Variants in THOC5 observed in about 807,000 individuals in gnomAD.
THOC5 encodes Fms-interacting protein.
A neutral mutation model predicts 92.9 loss-of-function variants in THOC5; 43 were observed. The observed-to-expected ratio is 0.46, with a 90% CI of 0.36 to 0.60. The LOEUF (loss-of-function observed/expected upper bound fraction) is 0.60, where lower values mean the gene tolerates loss of function less well. Ranked by LOEUF, THOC5 falls within the 20% of genes least tolerant of loss-of-function variation. The probability of loss-of-function intolerance (pLI) is 0.00; values close to 1 mark genes in which losing one functional copy is unlikely to be tolerated. For synonymous variants in THOC5, 296 were observed against 320.1 expected, an observed-to-expected ratio of 0.92 and a Z score of 0.80; for missense variants, 659 against 849.4, an observed-to-expected ratio of 0.78 and a Z score of 2.79.
rs372607483 is a variant in THOC5, at chr22:29,544,564, G to A, written c.136C>T (p.Arg46Trp). Residue 46 changes from arginine to tryptophan, a missense_variant, in exon 3 of 20, where the codon CGG becomes TGG. Arg to Trp is a moderately radical substitution (Grantham distance 101, BLOSUM62 -3). Coordinates refer to ENST00000490103, the MANE Select transcript of THOC5 (RefSeq NM_003678.5). ...AACTCATAGTCTCTGCCAGGGTCCC[G>A]CAGATCCACCTCGGCCTCCTCACTG... is the stretch of plus-strand genomic sequence containing the variant. ...YYSEEAEVDL[R>W]DPGRDYELYK... The A allele has an allele frequency of 1.3e-5, 21 of 1,613,358 alleles. No individual in the cohort carries two copies. Among genetic ancestry groups the A allele is most frequent in the African/African-American group, 2.7e-5 (2 of 74,884 alleles).
chr22:29,526,869 G>C (rs767712259), intron 11 of THOC5, among the ~76,000 whole-genome samples: 2 of 152,138 alleles, frequency 1.3e-5, no homozygotes, highest in Non-Finnish European at 2.9e-5. Context: ...TCACTGCCTA[G>C]AGCAGACTAA....
intron 1 of THOC5, among the ~76,000 whole-genome samples, chr22:29,552,018 C>G (rs1021126628): frequency 6.6e-6 from 1 of 152,182 alleles, no homozygotes; most frequent in East Asian, 1.9e-4. Flanking sequence ...AGCTCCTGAC[C>G]GCGAGTGATC....
chr22:29,511,947 G>T (rs937050269), intron 18 of THOC5, 74 bp downstream of exon 18: 8 of 1,233,328 alleles, frequency 6.5e-6, no homozygotes, highest in Non-Finnish European at 9.5e-6. Flanking sequence ...GTCCTCAGCT[G>T]CAGTGGGTTC....
rs1035635436 is a variant in THOC5, at chr22:29,538,143, C to T, written c.599+1187G>A. 5.1e-4 allele frequency among the ~76,000 whole-genome samples: 78 copies of T among 151,986 alleles called. 1 individual carries two copies. The highest frequency in any genetic ancestry group is 1.7e-3 in the African/African-American group (71 of 41,528). The stretch of plus-strand genomic sequence containing the variant: ...GACTACAGGCACCCGCCACCATGCC[C>T]GGCTAATTTTTTATATTTTTAGTAG... On this transcript the variant is annotated intron_variant, in intron 6 of 19. Transcript: ENST00000490103.
intron 17 of THOC5, 96 bp from the exon 18 acceptor site, chr22:29,512,232 G>T: frequency 1.1e-6 from 1 of 871,672 alleles, no homozygotes; most frequent in Non-Finnish European, 1.9e-6. Flanking sequence ...TAGCTCAGAT[G>T]TCTCCTATTA....
At chr22:29,511,331 C>T in intron 18 of THOC5, 35 bp from the exon 19 acceptor site, 1 of 1,591,686 alleles carries the variant, frequency 6.3e-7, no homozygotes, top group African/African-American at 1.3e-5. Flanking sequence ...TCAGCACTAC[C>T]TTCCTGCATG....
At chr22:29,529,960 T>C (rs2063619378) in intron 8 of THOC5, among the ~76,000 whole-genome samples, 2 of 152,022 alleles carry the variant, frequency 1.3e-5, no homozygotes, top group Non-Finnish European at 2.9e-5. Context: ...CTGGCCAACA[T>C]GGCAAAATCC....
At position 29,510,084 on chromosome 22, in the gene THOC5, C is replaced by G. The variant is rs149519412; in HGVS notation, c.1988+1022G>C. Among the ~76,000 whole-genome samples, 14 of 152,294 alleles carry G rather than the reference C, an allele frequency of 9.2e-5. 1 individual carries two copies. In the East Asian group the frequency reaches 2.7e-3, roughly 29 times the overall value. ...GAAATCTGCAGTTTTGAAACTGACT[C>G]TTAAAAGAACATGAGTTAGAGGCTG... On this transcript the variant is annotated intron_variant, in intron 19 of 19. Coordinates refer to ENST00000490103, the MANE Select transcript of THOC5 (RefSeq NM_003678.5).
Position 29,511,221 on chromosome 22 carries a change from G to A in THOC5, c.1873C>T (p.Gln625Ter). The A allele has an allele frequency of 6.2e-7, 1 of 1,614,236 alleles. No homozygotes were observed. ...AGCAGCACACACAGCCGCTGCAGCT[G>A]GTTGGTCAACAGCTGGTGGCTGGGC... is the stretch of plus-strand genomic sequence containing the variant. The part of the protein sequence containing the change: ...PWPSHQLLTN[Q>*]LQRLCVLLDV... The change falls in exon 19 of 20, where the codon CAG (glutamine) becomes TAG (stop). Residue 625 changes from glutamine (Q) to a stop codon, truncating the protein, a stop_gained. Transcript: ENST00000490103. LOFTEE classifies it high-confidence loss of function.
intron 8 of THOC5, 35 bp downstream of exon 8, chr22:29,531,796 A>C: frequency 6.2e-7 from 1 of 1,601,386 alleles, no homozygotes; most frequent in Non-Finnish European, 8.5e-7. Context: ...TGCTGCTCCC[A>C]TAGCCCCTTG....
At chr22:29,550,014 C>T (rs1327023881) in intron 1 of THOC5, among the ~76,000 whole-genome samples, 1 of 152,092 alleles carries the variant, frequency 6.6e-6, no homozygotes, top group African/African-American at 2.4e-5. Context: ...ATTGTGAGCT[C>T]TACCCTCTTC....
At chr22:29,523,416 A>G (rs1386761614) in intron 12 of THOC5, among the ~76,000 whole-genome samples, 1 of 152,152 alleles carries the variant, frequency 6.6e-6, no homozygotes, top group Non-Finnish European at 1.5e-5. Flanking sequence ...AACAGCCATG[A>G]TACAGTCCTG....
At chr22:29,540,349 C>A (rs183701139) in intron 5 of THOC5, among the ~76,000 whole-genome samples, 1 of 152,326 alleles carries the variant, frequency 6.6e-6, no homozygotes, top group African/African-American at 2.4e-5. Context: ...ATGATAACGG[C>A]AGCTATCATA....
Position 29,529,151 on chromosome 22 carries a change from C to A in THOC5, c.925+11G>T, listed in dbSNP as rs182069703. On this transcript the variant is annotated intron_variant, in intron 9 of 19. Coordinates refer to ENST00000490103, the MANE Select transcript of THOC5 (RefSeq NM_003678.5). ...GTGTCCCTGGGGGACGAATCCCAAC[C>A]ACCACATTACCTTGGGAGTCCTCTG... 6.2e-7 allele frequency: 1 copy of A among 1,614,038 alleles called. No homozygotes were observed. The highest frequency in any genetic ancestry group is 8.5e-7 in the Non-Finnish European group (1 of 1,179,924).
At chr22:29,539,627 T>C (rs2063837362) in intron 5 of THOC5, 151 bp from the exon 6 acceptor site, 1 of 813,926 alleles carries the variant, frequency 1.2e-6, no homozygotes, top group Non-Finnish European at 1.9e-6. Context: ...CATTAGCAGA[T>C]ATTTCAGTGT....
intron 6 of THOC5, 118 bp from the exon 7 acceptor site, chr22:29,536,856 C>T: frequency 4.4e-6 from 3 of 684,768 alleles, no homozygotes; most frequent in Non-Finnish European, 8.1e-6. Flanking sequence ...AATGTTTATC[C>T]AGCACTCAAT....
intron 7 of THOC5, among the ~76,000 whole-genome samples, chr22:29,533,641 G>T (rs1277669258): frequency 6.6e-6 from 1 of 152,124 alleles, no homozygotes; most frequent in South Asian, 2.1e-4. Flanking sequence ...GAATGGGGAA[G>T]ACCTGGGAAA....
In THOC5 at chr22:29,543,539, T is replaced by C; in HGVS notation, c.244A>G (p.Ile82Val). The change falls in exon 4 of 20, where the codon ATA (isoleucine) becomes GTA (valine). Residue 82 changes from isoleucine (I) to valine (V), a missense_variant. Transcript: ENST00000490103. The stretch of plus-strand genomic sequence containing the variant: ...TGGATCCTCCGTTCTTCTATTTCTA[T>C]TGCCTGTGGGCAAAGAAAACAGTAA... Reference protein sequence around the residue: ...LKSRGGKDVAIEIEERRIQSC... With the variant: ...LKSRGGKDVAVEIEERRIQSC... The C allele has an allele frequency of 6.2e-7, 1 of 1,612,822 alleles. No individual in the cohort carries two copies. Among genetic ancestry groups the C allele is most frequent in the South Asian group, 1.1e-5 (1 of 90,994 alleles).
chr22:29,508,759 C>T (rs188895149), intron 19 of THOC5, among the ~76,000 whole-genome samples: 115 of 152,152 alleles, frequency 7.6e-4, no homozygotes, highest in South Asian at 2.7e-3. Context: ...AGTGGCACTT[C>T]GGGGACATAG....
Sources: gnomAD v4.1 joint callset for allele counts (sites outside exome capture counted in the v4.1 genomes callset) on GRCh38, gnomAD v4.1.1 for gene constraint, MANE v1.5 for transcripts, NCBI Gene and HGNC (gene_info 2026-07-23, HGNC 2026-07-21) for gene names.